Variants in CHD6 observed in about 807,000 individuals in gnomAD.
CHD6 encodes chromodomain helicase DNA binding protein 6, also known as ATP-dependent chromatin remodeler CHD6.
CHD6 carries 50 observed loss-of-function variants against 276.9 expected under a neutral mutation model. The ratio of observed to expected loss-of-function variants is 0.18; its 90% CI spans 0.14 to 0.23. CHD6 has a LOEUF of 0.23. Among genes scored for constraint, CHD6 ranks in the 10% least tolerant of loss-of-function variants. CHD6 has a pLI of 1.00. For synonymous variants in CHD6, 1,173 were observed against 1,229.3 expected (o/e 0.95, Z 0.96); for missense variants, 2,564 against 3,365.8 (o/e 0.76, Z 5.89).
intron 30 of CHD6, among the ~76,000 whole-genome samples, chr20:41,422,771 A>G (rs1052768963): frequency 1.3e-5 from 2 of 152,118 alleles, no homozygotes; most frequent in African/African-American, 4.8e-5. Flanking sequence ...TGTCAGTGTG[A>G]CTCCAAGGTC....
chr20:41,406,285 TCA>T (rs1207852413), intron 36 of CHD6, among the ~76,000 whole-genome samples: 1 of 152,252 alleles, frequency 6.6e-6, no homozygotes, highest in African/African-American at 2.4e-5. Flanking sequence ...ATTTGGAGGT[TCA>T]CTCTCCAATT....
intron 1 of CHD6, among the ~76,000 whole-genome samples, chr20:41,595,958 A>G (rs2045713663): frequency 1.3e-5 from 2 of 152,160 alleles, no homozygotes; most frequent in African/African-American, 2.4e-5. Context: ...GCTACAGGAA[A>G]TAAGCCAAAA....
intron 3 of CHD6, 72 bp from the exon 4 acceptor site, chr20:41,515,024 C>A: frequency 6.8e-7 from 1 of 1,478,374 alleles, no homozygotes; most frequent in Non-Finnish European, 9.3e-7. Flanking sequence ...TGATCAACGT[C>A]ATGAAATCAC....
At chr20:41,459,845 GA>G (rs1569102787) in intron 17 of CHD6, among the ~76,000 whole-genome samples, 2 of 152,236 alleles carry the variant, frequency 1.3e-5, no homozygotes, top group East Asian at 3.8e-4. Flanking sequence ...AAAGATACCC[GA>G]AAACGCGGAA....
In CHD6 at chr20:41,483,290, G is replaced by C. The variant is rs756139403; in HGVS notation, c.2468+19C>G. 1.2e-5 allele frequency: 19 copies of C among 1,593,142 alleles called. No individual in the cohort carries two copies. The African/African-American group carries it at 2.4e-4, about 20-fold the overall frequency. On this transcript the variant is annotated intron_variant, in intron 16 of 36. Transcript: ENST00000373233. The stretch of plus-strand genomic sequence containing the variant: ...GAACTGTCCCATTGTTGAATGCAGA[G>C]CTTTGACACAAGTCTCACCTTCTCT...
intron 3 of CHD6, among the ~76,000 whole-genome samples, chr20:41,527,336 G>A (rs958354662): frequency 8.5e-5 from 13 of 152,084 alleles, no homozygotes; most frequent in African/African-American, 2.9e-4. Flanking sequence ...AAGCAGAACT[G>A]CTTGAACCCG....
intron 3 of CHD6, among the ~76,000 whole-genome samples, chr20:41,524,040 G>C (rs1377424401): frequency 6.6e-6 from 1 of 152,082 alleles, no homozygotes; most frequent in Non-Finnish European, 1.5e-5. Flanking sequence ...TGCCTCCAAA[G>C]ACATGTAGAG....
At chr20:41,526,620 A>G (rs1337004908) in intron 3 of CHD6, among the ~76,000 whole-genome samples, 2 of 151,734 alleles carry the variant, frequency 1.3e-5, no homozygotes, top group African/African-American at 2.4e-5. Context: ...AAAGCGAAAA[A>G]AGGTAAAATG....
chr20:41,554,653 T>A (rs1399478401), intron 1 of CHD6, among the ~76,000 whole-genome samples: 2 of 151,186 alleles, frequency 1.3e-5, no homozygotes, highest in African/African-American at 4.9e-5. Context: ...CCGCCCTTAA[T>A]CCATTTAACC....
intron 1 of CHD6, among the ~76,000 whole-genome samples, chr20:41,579,845 T>C (rs1395025412): frequency 6.6e-6 from 1 of 152,226 alleles, no homozygotes; most frequent in Non-Finnish European, 1.5e-5. Flanking sequence ...CTTTCTACTT[T>C]TCAAGCTTTT....
intron 1 of CHD6, among the ~76,000 whole-genome samples, chr20:41,573,467 T>G (rs529788350): frequency 6.6e-6 from 1 of 152,286 alleles, no homozygotes; most frequent in South Asian, 2.1e-4. Context: ...ACAACAACCC[T>G]AACTGGGAAA....
At position 41,435,344 on chromosome 20, in the gene CHD6, C is replaced by A. The variant is rs571225422; in HGVS notation, c.4068+1930G>T. 2.8e-4 allele frequency among the ~76,000 whole-genome samples: 43 copies of A among 152,194 alleles called. No individual in the cohort carries two copies. In the South Asian group the frequency reaches 6.7e-3, roughly 24 times the overall value. On this transcript the variant is annotated intron_variant, in intron 27 of 36. Coordinates refer to ENST00000373233, the MANE Select transcript of CHD6 (RefSeq NM_032221.5). ...GGCACAATGGCTCATGCCTGTAATTCCAGCTCTTTGGGAGGCCGGGGAGGG... is the reference window on the plus strand; with the variant it reads ...GGCACAATGGCTCATGCCTGTAATTACAGCTCTTTGGGAGGCCGGGGAGGG...
At chr20:41,472,989 C>T (rs927690851) in intron 17 of CHD6, 10 of 202,704 alleles carry the variant, frequency 4.9e-5, no homozygotes, top group Middle Eastern at 1.8e-3. Flanking sequence ...TGAAAATGCC[C>T]GAATCGTCTA....
At chr20:41,544,649 A>G (rs894878516) in intron 2 of CHD6, among the ~76,000 whole-genome samples, 2 of 150,572 alleles carry the variant, frequency 1.3e-5, no homozygotes, top group Admixed American at 6.6e-5. Flanking sequence ...AATTAATCAT[A>G]CTATAAATAT....
chr20:41,577,358 G>A (rs2045485498), intron 1 of CHD6, among the ~76,000 whole-genome samples: 1 of 152,302 alleles, frequency 6.6e-6, no homozygotes, highest in South Asian at 2.1e-4. Flanking sequence ...TTTAACTTCA[G>A]TGCAAATAGA....
Position 41,533,263 on chromosome 20 carries a change from C to G in CHD6, c.341G>C (p.Arg114Thr), listed in dbSNP as rs907876863. The G allele has an allele frequency of 8.7e-6, 14 of 1,613,626 alleles. No homozygotes were observed. The highest frequency in any genetic ancestry group is 1.2e-5 in the Non-Finnish European group (14 of 1,179,960). The change falls in exon 3 of 37, where the codon AGA (arginine) becomes ACA (threonine). Residue 114 changes from arginine (R) to threonine (T), a missense_variant. Physicochemically the swap from Arg to Thr is moderately conservative, Grantham distance 71. This residue lies in a region of CHD6 where 286 missense variants were observed against 297.8 expected (regional missense o/e 0.96). Transcript: ENST00000373233. ...QEGAAKGSKD[R>T]EPKPKRKREP... ...TCGTTTCCTCTTTGGCTTGGGCTCTCTGTCCTTGCTTCCCTTTGCTGCACC... is the reference window on the plus strand; with the variant it reads ...TCGTTTCCTCTTTGGCTTGGGCTCTGTGTCCTTGCTTCCCTTTGCTGCACC...
At chr20:41,539,288 G>C (rs1191418433) in intron 2 of CHD6, among the ~76,000 whole-genome samples, 1 of 152,188 alleles carries the variant, frequency 6.6e-6, no homozygotes, top group Non-Finnish European at 1.5e-5. Flanking sequence ...GTTATTTCAT[G>C]TTTTGTTATG....
intron 25 of CHD6, among the ~76,000 whole-genome samples, chr20:41,440,875 T>G (rs761401662): frequency 2.6e-5 from 4 of 152,212 alleles, no homozygotes; most frequent in Non-Finnish European, 5.9e-5. Flanking sequence ...AAGAGCTGAG[T>G]GTAAATGAGA....
intron 18 of CHD6, among the ~76,000 whole-genome samples, chr20:41,456,971 G>C (rs1446110880): frequency 6.6e-6 from 1 of 152,188 alleles, no homozygotes; most frequent in Non-Finnish European, 1.5e-5. Context: ...CAAATACAAT[G>C]TTAAGATCTA....
Sources: allele counts gnomAD v4.1 joint callset (sites outside exome capture counted in the v4.1 genomes callset), GRCh38; gene constraint gnomAD v4.1.1; regional missense constraint gnomAD v4.1.1; transcripts MANE v1.5; gene names NCBI Gene and HGNC (gene_info 2026-07-23, HGNC 2026-07-21).